Variants in MPHOSPH6 observed in about 807,000 individuals in gnomAD.
The protein encoded by MPHOSPH6 is M-phase phosphoprotein 6.
Under a neutral mutation model 21.8 loss-of-function variants are expected in MPHOSPH6, and 25 were observed. The observed-to-expected ratio is 1.15, with a 90% CI of 0.83 to 1.60. The LOEUF is 1.60. Ranked by LOEUF, MPHOSPH6 falls within the 40% of genes most tolerant of loss-of-function variation. The pLI is 0.00. For synonymous variants in MPHOSPH6, 84 were observed against 56.5 expected, an observed-to-expected ratio of 1.49 and a Z score of -2.18; for missense variants, 269 against 181.8, an observed-to-expected ratio of 1.48 and a Z score of -2.76.
Position 82,155,645 on chromosome 16 carries a change from T to A in MPHOSPH6, c.165-4131A>T, listed in dbSNP as rs1043849973. On this transcript the variant is annotated intron_variant, in intron 2 of 4. Transcript: ENST00000258169. Reference sequence around the variant, plus strand: ...GTTAATAGGTGCAGTGGCTCATGCCTGTAATCCCAGCACTTTGGGAGGCCA... The same window carrying A: ...GTTAATAGGTGCAGTGGCTCATGCCAGTAATCCCAGCACTTTGGGAGGCCA... 5.9e-5 allele frequency among the ~76,000 whole-genome samples: 9 copies of A among 152,360 alleles called. No individual in the cohort carries two copies. In the South Asian group the frequency reaches 1.9e-3, roughly 32 times the overall value.
intron 3 of MPHOSPH6, 105 bp from the exon 4 acceptor site, chr16:82,149,508 G>A (rs1402860763): frequency 1.1e-6 from 1 of 934,022 alleles, no homozygotes; most frequent in African/African-American, 1.6e-5. Context: ...ATAATCTAGA[G>A]AACTAGTCAA....
In MPHOSPH6 at chr16:82,148,726, C is replaced by T. The variant is rs1906162163; in HGVS notation, c.*5G>A. 1 of 1,613,770 alleles carries T rather than the reference C, an allele frequency of 6.2e-7. No homozygotes were observed. The highest frequency in any genetic ancestry group is 1.3e-5 in the African/African-American group (1 of 74,920). On this transcript the variant is annotated 3_prime_UTR_variant, in exon 5 of 5. Transcript: ENST00000258169. The stretch of plus-strand genomic sequence containing the variant: ...ACCCCTGGGCCATCGCTTAAGGCAT[C>T]CATCTTAATCCTGGGGCTTTAAGAA...
chr16:82,162,759 C>T (rs948583632), intron 2 of MPHOSPH6, among the ~76,000 whole-genome samples: 5 of 152,144 alleles, frequency 3.3e-5, no homozygotes, highest in African/African-American at 1.2e-4. Context: ...GATATACACA[C>T]CTATACATAA....
chr16:82,157,879 G>C (rs1046059680), intron 2 of MPHOSPH6, among the ~76,000 whole-genome samples: 3 of 152,206 alleles, frequency 2.0e-5, no homozygotes, highest in Non-Finnish European at 4.4e-5. Flanking sequence ...TTGGAATGGA[G>C]ACAATGCAGA....
Position 82,156,733 on chromosome 16 carries a change from A to C in MPHOSPH6, c.165-5219T>G, listed in dbSNP as rs201543929. Among the ~76,000 whole-genome samples the C allele has an allele frequency of 3.9e-5, 6 of 152,230 alleles. No homozygotes were observed. In the East Asian group the frequency reaches 1.2e-3, roughly 29 times the overall value. ...AAAAGAAATGAAAACATAACAAAAC[A>C]AAACTTGAGTATGAATGTCATACCA... On this transcript the variant is annotated intron_variant, in intron 2 of 4. Transcript: ENST00000258169.
intron 3 of MPHOSPH6, among the ~76,000 whole-genome samples, chr16:82,150,669 T>G (rs1389217074): frequency 1.3e-5 from 2 of 152,162 alleles, no homozygotes; most frequent in African/African-American, 2.4e-5. Context: ...TGATATTTAG[T>G]TGGTAGAGAA....
chr16:82,168,427 G>A (rs1256683517), intron 1 of MPHOSPH6, among the ~76,000 whole-genome samples: 2 of 150,488 alleles, frequency 1.3e-5, no homozygotes, highest in Non-Finnish European at 2.9e-5. Flanking sequence ...CTCCATCCTA[G>A]CTCAACTCCA....
rs2303261 is a variant in MPHOSPH6, at chr16:82,170,163, G to C, written c.13C>G (p.Arg5Gly). Residue 5 changes from arginine (R) to glycine (G), a missense_variant, in exon 1 of 5, where the codon CGA becomes GGA. By Grantham distance (125) the Arg-to-Gly change is moderately radical. Coordinates refer to ENST00000258169, the MANE Select transcript of MPHOSPH6 (RefSeq NM_005792.2). ...AGATTCTTGGACAACCTTGTCTTTC[G>C]CTCGGCCGCCATGGTAGCTTCCGCC... MAAE[R>G]KTRLSKNLLR... 2.5e-6 allele frequency: 4 copies of C among 1,590,834 alleles called. No individual in the cohort carries two copies. Among genetic ancestry groups the C allele is most frequent in the Non-Finnish European group, 3.4e-6 (4 of 1,168,720 alleles).
chr16:82,153,325 C>T (rs559113318), intron 2 of MPHOSPH6, among the ~76,000 whole-genome samples: 4 of 152,182 alleles, frequency 2.6e-5, no homozygotes, highest in Non-Finnish European at 5.9e-5. Flanking sequence ...TAAAACAGGA[C>T]AAAATATAAA....
At chr16:82,166,263 T>C (rs1050304254) in intron 1 of MPHOSPH6, among the ~76,000 whole-genome samples, 1 of 152,262 alleles carries the variant, frequency 6.6e-6, no homozygotes, top group African/African-American at 2.4e-5. Context: ...GACTAGTGTT[T>C]TGCAGTCGTC....
At chr16:82,160,124 C>A (rs545271878) in intron 2 of MPHOSPH6, among the ~76,000 whole-genome samples, 1 of 148,412 alleles carries the variant, frequency 6.7e-6, no homozygotes, top group South Asian at 2.3e-4. Context: ...GCATTGACAC[C>A]GTATCTTTAA....
chr16:82,150,380 TAAAG>T (rs1906226182), intron 3 of MPHOSPH6, among the ~76,000 whole-genome samples: 1 of 152,030 alleles, frequency 6.6e-6, no homozygotes, highest in South Asian at 2.1e-4. Flanking sequence ...GAAGCTTAAT[TAAAG>T]AAAGTCAAAG....
At chr16:82,166,051 G>A (rs928851699) in intron 1 of MPHOSPH6, among the ~76,000 whole-genome samples, 2 of 152,156 alleles carry the variant, frequency 1.3e-5, no homozygotes, top group Non-Finnish European at 2.9e-5. Flanking sequence ...AACCGTCCAC[G>A]CAAAATGAGT....
intron 2 of MPHOSPH6, chr16:82,162,410 T>C (rs1346532679): frequency 1.3e-5 from 2 of 152,310 alleles, no homozygotes; most frequent in African/African-American, 2.4e-5. Flanking sequence ...TCTTCACCTG[T>C]TTCTCTGGCC....
intron 1 of MPHOSPH6, among the ~76,000 whole-genome samples, chr16:82,169,250 C>T (rs1409510457): frequency 6.6e-6 from 1 of 152,240 alleles, no homozygotes; most frequent in African/African-American, 2.4e-5. Context: ...AACCCCATTT[C>T]TTAGTACTTG....
intron 2 of MPHOSPH6, among the ~76,000 whole-genome samples, chr16:82,161,095 C>T (rs529794498): frequency 2.6e-5 from 4 of 152,338 alleles, no homozygotes; most frequent in South Asian, 2.1e-4. Context: ...TTCATCAAAG[C>T]TAACATAAAA....
intron 2 of MPHOSPH6, among the ~76,000 whole-genome samples, chr16:82,157,136 A>T (rs933688102): frequency 5.3e-5 from 8 of 152,224 alleles, no homozygotes; most frequent in Admixed American, 3.9e-4. Flanking sequence ...GTCATCAGGA[A>T]AATGCTAATT....
chr16:82,150,013 CTT>C (rs68120502), intron 3 of MPHOSPH6, among the ~76,000 whole-genome samples: 4,282 of 147,166 alleles, frequency 0.029, 198 homozygotes, highest in African/African-American at 0.1. Flanking sequence ...ATCCTCTGAC[CTT>C]TTTTTTTTTA....
At chr16:82,160,459 C>T (rs910724902) in intron 2 of MPHOSPH6, among the ~76,000 whole-genome samples, 10 of 152,158 alleles carry the variant, frequency 6.6e-5, no homozygotes, top group Non-Finnish European at 1.0e-4. Flanking sequence ...ACTAACTGCC[C>T]GGTTGCTCTG....
Sources: gnomAD v4.1 joint callset for allele counts (sites outside exome capture counted in the v4.1 genomes callset) on GRCh38, gnomAD v4.1.1 for gene constraint, MANE v1.5 for transcripts, NCBI Gene and HGNC (gene_info 2026-07-23, HGNC 2026-07-21) for gene names.